ADAM28: variants seen among roughly 807,000 people sequenced by gnomAD.
ADAM28 encodes the protein ADAM metallopeptidase domain 28.
ADAM28 carries 105 observed loss-of-function variants against 101.2 expected under a neutral mutation model. The observed-to-expected ratio is 1.04, with a 90% CI of 0.89 to 1.22. The LOEUF (loss-of-function observed/expected upper bound fraction) is 1.22. ADAM28 is among the 50% of genes most tolerant of loss of function. The pLI is 0.00. For missense variants in ADAM28, 1,028 were observed against 945.4 expected, an observed-to-expected ratio of 1.09 and a Z score of -1.15; for synonymous variants, 322 against 310.6, an observed-to-expected ratio of 1.04 and a Z score of -0.39.
In ADAM28 at chr8:24,349,931, C is replaced by G. The variant is rs751029250; in HGVS notation, c.2058C>G (p.Ile686Met). The change falls in exon 19 of 23, where the codon ATC (isoleucine) becomes ATG (methionine). Residue 686 changes from isoleucine (I) to methionine (M), a missense_variant. By Grantham distance (10) the Ile-to-Met change is conservative. Transcript: ENST00000265769. Reference protein sequence around the residue: ...AVIFVVVAMVIRHQSSREKQK... With the variant: ...AVIFVVVAMVMRHQSSREKQK... ...TTTTTGTGGTGGTTGCTATGGTAAT[C>G]CGGCACCAGAGCTCCAGAGAAAAGC... 1 of 1,613,590 alleles carries G rather than the reference C, an allele frequency of 6.2e-7. No homozygotes were observed. Among genetic ancestry groups the G allele is most frequent in the Admixed American group, 1.7e-5 (1 of 59,984 alleles).
intron 22 of ADAM28, 31 bp downstream of exon 22, chr8:24,353,863 C>CAAGAATATAATAAT: frequency 1.4e-6 from 2 of 1,393,334 alleles, no homozygotes; most frequent in Non-Finnish European, 2.0e-6. Context: ...TTATTATATT[C>CAAGAATATAATAAT]TTGTATTATA....
chr8:24,324,092 G>A, intron 9 of ADAM28, 89 bp downstream of exon 9: 2 of 1,273,654 alleles, frequency 1.6e-6, no homozygotes, highest in Non-Finnish European at 2.2e-6. Context: ...GCACATAGAG[G>A]GGTAGACATT....
chr8:24,352,552 C>T (rs1042027137), intron 21 of ADAM28, among the ~76,000 whole-genome samples: 1 of 152,146 alleles, frequency 6.6e-6, no homozygotes, highest in Non-Finnish European at 1.5e-5. Context: ...CTCACGACCT[C>T]ATTATTTCCA....
At position 24,335,456 on chromosome 8, in the gene ADAM28, C is replaced by T. The variant is rs1813900959; in HGVS notation, c.1382C>T (p.Ala461Val). The T allele has an allele frequency of 6.2e-7, 1 of 1,610,492 alleles. No homozygotes were observed. Among genetic ancestry groups the T allele is most frequent in the African/African-American group, 1.3e-5 (1 of 74,880 alleles). ...ECCEKCQFKKAGMVCRPAKDE... is the reference protein window; with the variant it reads ...ECCEKCQFKKVGMVCRPAKDE... ...TTTGTTTTTCTACAGTTTAAAAAGG[C>T]TGGGATGGTGTGCAGACCAGCAAAA... The change falls in exon 14 of 23, where the codon GCT becomes GTT. Residue 461 changes from alanine (A) to valine (V), a missense_variant. Physicochemically the swap from Ala to Val is moderately conservative, Grantham distance 64. Transcript: ENST00000265769.
intron 9 of ADAM28, among the ~76,000 whole-genome samples, chr8:24,325,908 A>C (rs954503855): frequency 2.0e-5 from 3 of 149,058 alleles, no homozygotes; most frequent in African/African-American, 7.4e-5. Context: ...AAACCAAAAA[A>C]CAAAAACTAA....
intron 6 of ADAM28, 117 bp downstream of exon 6, chr8:24,313,697 A>T: frequency 1.0e-6 from 1 of 982,066 alleles, no homozygotes; most frequent in Admixed American, 2.6e-5. Flanking sequence ...TTATAGAGAC[A>T]CTAATCCTTA....
chr8:24,339,924 C>T (rs1404963485), intron 15 of ADAM28, among the ~76,000 whole-genome samples: 1 of 152,148 alleles, frequency 6.6e-6, no homozygotes, highest in Non-Finnish European at 1.5e-5. Flanking sequence ...TTCTCAATCT[C>T]ATGTTTTTCC....
At chr8:24,300,108 A>C in intron 2 of ADAM28, 31 bp downstream of exon 2, 2 of 1,554,278 alleles carry the variant, frequency 1.3e-6, no homozygotes, top group South Asian at 1.1e-5. Context: ...AAGGATCTTG[A>C]TTTGAGATAC....
intron 14 of ADAM28, among the ~76,000 whole-genome samples, chr8:24,336,786 A>G (rs1020046664): frequency 1.3e-5 from 2 of 151,950 alleles, no homozygotes; most frequent in Admixed American, 6.6e-5. Context: ...TTGAAAAAAA[A>G]AGGCAAGTTT....
At chr8:24,347,205 C>G (rs1261566912) in intron 18 of ADAM28, among the ~76,000 whole-genome samples, 1 of 152,052 alleles carries the variant, frequency 6.6e-6, no homozygotes, top group Non-Finnish European at 1.5e-5. Flanking sequence ...TCTATTAGTA[C>G]TGTCAAATAA....
rs1816727742 is a variant in ADAM28 at position 24,356,964 on chromosome 8, GTTA to G, written c.*2568_*2570del. 6.6e-6 allele frequency: 1 copy of G among 152,118 alleles called. No homozygotes were observed. The highest frequency in any genetic ancestry group is 1.5e-5 in the Non-Finnish European group (1 of 68,012). The allele number at this position is 152,118 out of a possible 1,614,324, so 9.4% of individuals were successfully genotyped here. On this transcript the variant is annotated 3_prime_UTR_variant, in exon 23 of 23. Coordinates refer to ENST00000265769, the MANE Select transcript of ADAM28 (RefSeq NM_014265.6). ...GTTGCAGTCAGAGAATATGGAAAGG[GTTA>G]TTATTATAATTAGGATTTTATTATT...
At chr8:24,320,051 C>T (rs1347782478) in intron 6 of ADAM28, among the ~76,000 whole-genome samples, 185 bp from the exon 7 acceptor site, 3 of 151,962 alleles carry the variant, frequency 2.0e-5, no homozygotes, top group Non-Finnish European at 4.4e-5. Context: ...GGTGTCCCTT[C>T]ACCTCCAAAT....
rs1816739198 is a variant in ADAM28, at chr8:24,357,165, CT to C, written c.*2763del. ...TTCCCAGCTGAATCTTGACTTCAGCCTTGTGAGACACCCTGAAGTAGAGGAT... is the reference window on the plus strand; with the variant it reads ...TTCCCAGCTGAATCTTGACTTCAGCCTGTGAGACACCCTGAAGTAGAGGAT... On this transcript the variant is annotated 3_prime_UTR_variant, in exon 23 of 23. Transcript: ENST00000265769. 1 of 152,098 alleles carries C rather than the reference CT, an allele frequency of 6.6e-6. No individual in the cohort carries two copies. Among genetic ancestry groups the C allele is most frequent in the Non-Finnish European group, 1.5e-5 (1 of 68,032 alleles). 9.4% of individuals were successfully genotyped at this position (152,098 alleles called of 1,614,324 possible). A position where few individuals can be genotyped will look rare whatever the true frequency, so the allele number is the denominator to read the frequency against.
intron 16 of ADAM28, 151 bp downstream of exon 16, chr8:24,341,908 C>A: frequency 1.1e-6 from 1 of 907,018 alleles, no homozygotes; most frequent in African/African-American, 1.7e-5. Context: ...GAATTTGGAA[C>A]ACAGAAATGA....
In ADAM28 at chr8:24,331,195, T is replaced by C. The variant is rs373275366; in HGVS notation, c.1149T>C (p.Tyr383=). ...TCAGTTCCTGCAGCCGTCTCAGCTA[T>C]GACAAGTTTTTTGAAGATAAATTAT... ...TDFSSCSRLS[Y]DKFFEDKLSN... is the part of the protein sequence containing the mutation. The change falls in exon 12 of 23, where the codon TAT becomes TAC. Residue 383 remains tyrosine, a synonymous_variant. Transcript: ENST00000265769. 1.2e-5 allele frequency: 20 copies of C among 1,613,608 alleles called. No homozygotes were observed. In the African/African-American group the frequency reaches 2.1e-4, roughly 17 times the overall value.
Position 24,338,868 on chromosome 8 carries a change from C to T in ADAM28, c.1568-598C>T, listed in dbSNP as rs549830221. On this transcript the variant is annotated intron_variant, in intron 14 of 22. Coordinates refer to ENST00000265769, the MANE Select transcript of ADAM28 (RefSeq NM_014265.6). ...AATAAGAATGGCTAGTATTTGTCAA[C>T]CATGTACTGCTGACCAGGCACTGTT... Among the ~76,000 whole-genome samples the T allele has an allele frequency of 1.7e-4, 26 of 152,212 alleles. No individual in the cohort carries two copies. In the South Asian group the frequency reaches 3.1e-3, roughly 18 times the overall value.
chr8:24,310,492 G>A (rs1563276012), intron 4 of ADAM28: 1 of 333,162 alleles, frequency 3.0e-6, no homozygotes, highest in Non-Finnish European at 5.5e-6. Flanking sequence ...GGTAGAAGGA[G>A]CATGTTATTT....
intron 6 of ADAM28, among the ~76,000 whole-genome samples, chr8:24,318,470 T>C (rs1412243423): frequency 1.3e-5 from 2 of 151,950 alleles, no homozygotes; most frequent in Admixed American, 1.3e-4. Context: ...ATAGGAACTG[T>C]GCACTAATGG....
At chr8:24,321,805 T>A (rs1326693360) in intron 8 of ADAM28, among the ~76,000 whole-genome samples, 1 of 151,996 alleles carries the variant, frequency 6.6e-6, no homozygotes. Flanking sequence ...GAATACAGAT[T>A]TGTCAGATTT....
Sources: gnomAD v4.1 joint callset for allele counts (sites outside exome capture counted in the v4.1 genomes callset) on GRCh38, gnomAD v4.1.1 for gene constraint, MANE v1.5 for transcripts, NCBI Gene and HGNC (gene_info 2026-07-23, HGNC 2026-07-21) for gene names.